The following PCLO variants were observed in gnomAD, a reference collection of about 807,000 sequenced individuals.
The protein encoded by PCLO is protein piccolo.
A neutral mutation model predicts 427.5 loss-of-function variants in PCLO; 82 were observed. That is an observed-to-expected ratio of 0.19 (90% CI 0.16 to 0.23). The LOEUF (loss-of-function observed/expected upper bound fraction) is 0.23. Among genes scored for constraint, PCLO ranks in the 10% least tolerant of loss-of-function variants. PCLO has a pLI of 1.00. For missense variants in PCLO, 6,239 were observed against 6,115.9 expected (o/e 1.02, Z -0.67); for synonymous variants, 2,357 against 2,155.4 (o/e 1.09, Z -2.59).
chr7:82,967,197 C>CTT (rs766172385), intron 3 of PCLO, among the ~76,000 whole-genome samples: 63 of 133,192 alleles, frequency 4.7e-4, no homozygotes, highest in African/African-American at 1.3e-3. Context: ...TTCTTCTTTT[C>CTT]TTTTTTTTTT....
chr7:82,867,088 A>G (rs1410397067), intron 10 of PCLO, among the ~76,000 whole-genome samples: 2 of 152,182 alleles, frequency 1.3e-5, no homozygotes, highest in Admixed American at 1.3e-4. Context: ...AAGGAAGACA[A>G]ACATCATTAA....
chr7:82,975,266 T>A (rs1795992343), intron 3 of PCLO, among the ~76,000 whole-genome samples: 1 of 152,204 alleles, frequency 6.6e-6, no homozygotes, highest in Admixed American at 6.5e-5. Flanking sequence ...TTATGTTTGT[T>A]AAGATTACAA....
intron 3 of PCLO, among the ~76,000 whole-genome samples, chr7:83,043,912 C>CTTTTCTTTT (rs1789033893): frequency 3.2e-5 from 3 of 94,910 alleles, no homozygotes; most frequent in Non-Finnish European, 6.0e-5. Context: ...CTATTATTTT[C>CTTTTCTTTT]TTTTTTTTTT....
chr7:82,793,391 T>C (rs1010514416), intron 22 of PCLO, among the ~76,000 whole-genome samples: 1 of 152,140 alleles, frequency 6.6e-6, no homozygotes, highest in Non-Finnish European at 1.5e-5. Context: ...TGATGGACAC[T>C]CTGCCGCAGT....
chr7:83,058,549 A>AAT (rs1028968579), intron 3 of PCLO, among the ~76,000 whole-genome samples: 20 of 152,268 alleles, frequency 1.3e-4, no homozygotes, highest in East Asian at 5.8e-4. Context: ...AGATCAATTA[A>AAT]ATATATATAT....
intron 3 of PCLO, among the ~76,000 whole-genome samples, chr7:82,968,189 G>T (rs1584234457): frequency 6.6e-6 from 1 of 152,186 alleles, no homozygotes; most frequent in Non-Finnish European, 1.5e-5. Flanking sequence ...GTGGTAAAAT[G>T]CTGCCAATAA....
At chr7:82,844,238 T>G (rs1272572167) in intron 13 of PCLO, among the ~76,000 whole-genome samples, 1 of 152,164 alleles carries the variant, frequency 6.6e-6, no homozygotes, top group African/African-American at 2.4e-5. Flanking sequence ...AGAGCCTCTA[T>G]AAAGTAATTA....
At chr7:83,122,395 C>A (rs900942743) in intron 3 of PCLO, among the ~76,000 whole-genome samples, 1 of 151,678 alleles carries the variant, frequency 6.6e-6, no homozygotes, top group Non-Finnish European at 1.5e-5. Context: ...AAGTGATTCT[C>A]CAGCCTCAGC....
At chr7:82,930,064 TG>T (rs1400670543) in intron 6 of PCLO, among the ~76,000 whole-genome samples, 3 of 152,176 alleles carry the variant, frequency 2.0e-5, no homozygotes, top group African/African-American at 7.2e-5. Flanking sequence ...AGCTTCTGTC[TG>T]GATCTTAGAG....
At chr7:83,086,329 G>C (rs908141280) in intron 3 of PCLO, among the ~76,000 whole-genome samples, 3 of 152,004 alleles carry the variant, frequency 2.0e-5, no homozygotes, top group African/African-American at 7.2e-5. Context: ...GGCTGGTCTT[G>C]AACTCCTGAC....
intron 6 of PCLO, among the ~76,000 whole-genome samples, chr7:82,943,589 T>G (rs1268501290): frequency 6.6e-6 from 1 of 152,148 alleles, no homozygotes; most frequent in Non-Finnish European, 1.5e-5. Flanking sequence ...ATAATGTCAC[T>G]TTTCTCCCCG....
intron 22 of PCLO, among the ~76,000 whole-genome samples, chr7:82,775,307 T>A (rs1790726969): frequency 6.6e-6 from 1 of 152,316 alleles, no homozygotes; most frequent in African/African-American, 2.4e-5. Context: ...TTGTATAAAA[T>A]CGCCAAACTG....
At chr7:82,959,664 T>C in intron 4 of PCLO, among the ~76,000 whole-genome samples, 1 of 152,124 alleles carries the variant, frequency 6.6e-6, no homozygotes, top group East Asian at 1.9e-4. Flanking sequence ...GTGTTCATGC[T>C]TTTCTTCTTC....
chr7:83,156,819 A>G (rs906564022), intron 1 of PCLO, among the ~76,000 whole-genome samples: 13 of 152,076 alleles, frequency 8.5e-5, no homozygotes, highest in African/African-American at 2.9e-4. Context: ...TTTTATCAAA[A>G]GTTATGGTCT....
chr7:83,134,807 C>A lies in PCLO; in HGVS notation c.2743G>T (p.Ala915Ser), dbSNP rs574502381. ...FSLNLGSITD[A>S]PKSQPTTPQE... The stretch of plus-strand genomic sequence containing the variant: ...GGAGTTGTAGGCTGTGATTTGGGGG[C>A]ATCAGTAATACTTCCCAGATTCAGA... The change falls in exon 3 of 25, where the codon GCC (alanine) becomes TCC (serine). Residue 915 changes from alanine (A) to serine (S), a missense_variant. Ala to Ser is a moderately conservative substitution (Grantham distance 99). This residue lies in a region of PCLO where 4,677 missense variants were observed against 4,468.4 expected (regional missense o/e 1.05). Coordinates refer to ENST00000333891, the MANE Select transcript of PCLO (RefSeq NM_033026.6). 6.2e-7 allele frequency: 1 copy of A among 1,613,680 alleles called. No homozygotes were observed. Among genetic ancestry groups the A allele is most frequent in the South Asian group, 1.1e-5 (1 of 91,064 alleles).
intron 3 of PCLO, among the ~76,000 whole-genome samples, chr7:83,060,802 C>T (rs1789525076): frequency 6.6e-6 from 1 of 152,148 alleles, no homozygotes; most frequent in African/African-American, 2.4e-5. Flanking sequence ...GTTGCTGAAT[C>T]CAGCTCCACA....
intron 10 of PCLO, among the ~76,000 whole-genome samples, chr7:82,865,038 A>G (rs1263220039): frequency 1.3e-5 from 2 of 152,180 alleles, no homozygotes; most frequent in African/African-American, 4.8e-5. Flanking sequence ...AAATAAAGTG[A>G]TATTGATACA....
rs1200354001 is a variant in PCLO, at chr7:82,952,830, A to T, written c.8123T>A (p.Ile2708Lys). The change falls in exon 5 of 25, where the codon ATA (isoleucine) becomes AAA (lysine). Residue 2708 changes from isoleucine (I) to lysine (K), a missense_variant. Ile to Lys is a moderately radical substitution (Grantham distance 102). This residue lies in a region of PCLO where 4,677 missense variants were observed against 4,468.4 expected (regional missense o/e 1.05). Transcript: ENST00000333891. Reference protein sequence around the residue: ...IPPEPLALDNIHLEKPQYKED... With the variant: ...IPPEPLALDNKHLEKPQYKED... Reference sequence around the variant, plus strand: ...TTTATACTGAGGCTTCTCTAAATGTATGTTATCTAGAGCAAGAGGCTCTGG... The same window carrying T: ...TTTATACTGAGGCTTCTCTAAATGTTTGTTATCTAGAGCAAGAGGCTCTGG... 1 of 1,613,644 alleles carries T rather than the reference A, an allele frequency of 6.2e-7. No individual in the cohort carries two copies. Among genetic ancestry groups the T allele is most frequent in the East Asian group, 2.2e-5 (1 of 44,842 alleles).
intron 3 of PCLO, among the ~76,000 whole-genome samples, chr7:83,033,622 C>A (rs1206228148): frequency 6.6e-6 from 1 of 152,148 alleles, no homozygotes; most frequent in Non-Finnish European, 1.5e-5. Flanking sequence ...TTAGTGCAAT[C>A]TTTCTTCCTT....
Sources: allele counts gnomAD v4.1 joint callset (sites outside exome capture counted in the v4.1 genomes callset), GRCh38; gene constraint gnomAD v4.1.1; regional missense constraint gnomAD v4.1.1; transcripts MANE v1.5; gene names NCBI Gene and HGNC (gene_info 2026-07-23, HGNC 2026-07-21).